The following WTAP variants were observed in gnomAD, a reference collection of about 807,000 sequenced individuals.
WTAP encodes the protein pre-mRNA-splicing regulator WTAP.
A neutral mutation model predicts 50.0 loss-of-function variants in WTAP; 8 were observed. The observed-to-expected ratio is 0.16, with a 90% CI of 0.09 to 0.29. WTAP has a LOEUF of 0.29. WTAP is among the 10% of genes least tolerant of loss of function. WTAP has a pLI of 1.00. For synonymous variants in WTAP, 194 were observed against 169.0 expected, an observed-to-expected ratio of 1.15 and a Z score of -1.15; for missense variants, 295 against 470.7, an observed-to-expected ratio of 0.63 and a Z score of 3.45.
rs370858662 is a variant in WTAP at position 159,729,815 on chromosome 6, G to A, written c.-9+2112G>A. On this transcript the variant is annotated intron_variant, in intron 1 of 7. Coordinates refer to ENST00000621533, the MANE Select transcript of WTAP (RefSeq NM_001270531.2). ...GCTATGATTTGTTCGCCAAGGTACC[G>A]TGTCTTCTTACTGAAGTTGTTTTGG... Among the ~76,000 whole-genome samples the A allele has an allele frequency of 1.4e-3, 216 of 152,312 alleles. 6 individuals are homozygous for A. The South Asian group carries it at 0.04, about 28-fold the overall frequency.
At chr6:159,726,824 C>T (rs928873529), upstream of WTAP, 6 of 1,289,096 alleles carry the variant, frequency 4.7e-6, no homozygotes, top group African/African-American at 3.0e-5. Flanking sequence ...AGAGGGAAGG[C>T]ATCGGTTTCT....
upstream of WTAP, chr6:159,727,168 G>C (rs1778220806): frequency 1.7e-6 from 2 of 1,200,580 alleles, no homozygotes; most frequent in African/African-American, 3.2e-5. Context: ...GCTCGCGCCA[G>C]GCTCCTGGGA....
rs1325227595 is a variant in WTAP at position 159,743,687 on chromosome 6, A to G, written c.168A>G (p.Arg56=). 6.8e-6 allele frequency: 11 copies of G among 1,612,998 alleles called. No individual in the cohort carries two copies. The highest frequency in any genetic ancestry group is 9.3e-6 in the Non-Finnish European group (11 of 1,179,526). ...CAGCTAATGATGTAACTGGCCTAAG[A>G]GAGTCTGAAGAAAAACTAAAGCAAC... ...DLNSNDVTGL[R]ESEEKLKQQQ... The change falls in exon 5 of 8, where the codon AGA becomes AGG. Residue 56 remains arginine (R), a synonymous_variant. Transcript: ENST00000621533.
At chr6:159,743,272 C>G (rs2114926993) in intron 4 of WTAP, among the ~76,000 whole-genome samples, 1 of 152,328 alleles carries the variant, frequency 6.6e-6, no homozygotes, top group African/African-American at 2.4e-5. Context: ...GTCTGAAACT[C>G]CTGACCTCAG....
At chr6:159,727,071 C>T, upstream of WTAP, 3 of 1,207,432 alleles carry the variant, frequency 2.5e-6, no homozygotes, top group Non-Finnish European at 3.2e-6. Context: ...TCCCGTGATG[C>T]CCTGGGGCTG....
intron 5 of WTAP, among the ~76,000 whole-genome samples, chr6:159,747,624 C>A (rs1395823293): frequency 6.6e-6 from 1 of 152,046 alleles, no homozygotes; most frequent in African/African-American, 2.4e-5. Context: ...TAATCTTGCA[C>A]CTGATGTATT....
intron 3 of WTAP, 60 bp from the exon 4 acceptor site, chr6:159,742,028 C>A: frequency 8.5e-7 from 1 of 1,173,052 alleles, no homozygotes; most frequent in Non-Finnish European, 1.2e-6. Flanking sequence ...TAGATATCTT[C>A]TAGTTTATTT....
chr6:159,754,452 C>G (rs1237156422), intron 7 of WTAP, among the ~76,000 whole-genome samples: 1 of 152,136 alleles, frequency 6.6e-6, no homozygotes, highest in African/African-American at 2.4e-5. Context: ...AAACGTGAGT[C>G]AAACTTTGGG....
intron 6 of WTAP, among the ~76,000 whole-genome samples, chr6:159,749,839 C>T (rs192308685): frequency 6.6e-6 from 1 of 152,242 alleles, no homozygotes; most frequent in Non-Finnish European, 1.5e-5. Flanking sequence ...CCATCCAATC[C>T]TGGAGGTGAA....
Position 159,744,019 on chromosome 6 carries a change from A to G in WTAP, c.273+227A>G, listed in dbSNP as rs749723618. Among the ~76,000 whole-genome samples the G allele has an allele frequency of 1.4e-4, 21 of 152,054 alleles. 1 individual carries two copies. In the South Asian group the frequency reaches 2.3e-3, roughly 17 times the overall value. Reference sequence around the variant, plus strand: ...GTTTTAAGTTTTTTTTGAAATTTTCATGCCTTATAAGTATTAGTTCATCAA... The same window carrying G: ...GTTTTAAGTTTTTTTTGAAATTTTCGTGCCTTATAAGTATTAGTTCATCAA... On this transcript the variant is annotated intron_variant, in intron 5 of 7. Transcript: ENST00000621533.
chr6:159,727,113 C>A, upstream of WTAP: 1 of 1,193,846 alleles, frequency 8.4e-7, no homozygotes, highest in Non-Finnish European at 1.1e-6. Flanking sequence ...CCCCTCCCCT[C>A]GGCCGCTTCC....
intron 1 of WTAP, among the ~76,000 whole-genome samples, chr6:159,733,033 T>TA (rs1395587792): frequency 2.6e-5 from 4 of 152,012 alleles, no homozygotes; most frequent in Non-Finnish European, 5.9e-5. Flanking sequence ...TAGAAGTAGT[T>TA]AGACATGTGG....
intron 3 of WTAP, 33 bp downstream of exon 3, chr6:159,739,078 T>C (rs985325905): frequency 2.6e-6 from 4 of 1,542,148 alleles, no homozygotes; most frequent in Admixed American, 3.4e-5. Flanking sequence ...ACAAAGTCTT[T>C]CTATAGAACA....
At chr6:159,753,319 GA>G (rs1195982443) in intron 6 of WTAP, 140 bp from the exon 7 acceptor site, 1 of 1,223,842 alleles carries the variant, frequency 8.2e-7, no homozygotes, top group Non-Finnish European at 1.1e-6. Flanking sequence ...ATGTGTCCCA[GA>G]AAAGAAGATG....
intron 1 of WTAP, 130 bp from the exon 2 acceptor site, chr6:159,736,127 TA>T (rs1334508065): frequency 2.1e-6 from 2 of 941,108 alleles, no homozygotes; most frequent in Non-Finnish European, 3.2e-6. Flanking sequence ...TAAAATTGTT[TA>T]TTTAAATTCT....
Position 159,748,147 on chromosome 6 carries a change from G to A in WTAP, c.274-44G>A, listed in dbSNP as rs762933289. 4 of 1,570,508 alleles carry A rather than the reference G, an allele frequency of 2.5e-6. No homozygotes were observed. The highest frequency in any genetic ancestry group is 3.5e-6 in the Non-Finnish European group (4 of 1,152,974). On this transcript the variant is annotated intron_variant, in intron 5 of 7. Coordinates refer to ENST00000621533, the MANE Select transcript of WTAP (RefSeq NM_001270531.2). This position sits in a 1 kb window ranked among gnomAD's most constrained non-coding sequence, Gnocchi z 5.6. Reference sequence around the variant, plus strand: ...GAGTTTTCCCCACCTTCTTATGTATGTTTCCTTTGATTTGGTCGTAATTGT... The same window carrying A: ...GAGTTTTCCCCACCTTCTTATGTATATTTCCTTTGATTTGGTCGTAATTGT...
chr6:159,734,810 T>C (rs551266783), intron 1 of WTAP, among the ~76,000 whole-genome samples: 2 of 148,594 alleles, frequency 1.3e-5, no homozygotes, highest in South Asian at 4.2e-4. Flanking sequence ...TATATAAAGA[T>C]TTTATGTTTG....
intron 3 of WTAP, among the ~76,000 whole-genome samples, chr6:159,740,374 A>C (rs1779179201): frequency 6.6e-6 from 1 of 152,204 alleles, no homozygotes; most frequent in East Asian, 1.9e-4. Flanking sequence ...TCCTTAGGGA[A>C]TTCATGTAAG....
At position 159,737,294 on chromosome 6, in the gene WTAP, A is replaced by C. The variant is rs912332498; in HGVS notation, c.30+999A>C. 4.6e-5 allele frequency among the ~76,000 whole-genome samples: 7 copies of C among 151,766 alleles called. 1 individual carries two copies. Among genetic ancestry groups the C allele is most frequent in the African/African-American group, 1.5e-4 (6 of 41,342 alleles). On this transcript the variant is annotated intron_variant, in intron 2 of 7. Coordinates refer to ENST00000621533, the MANE Select transcript of WTAP (RefSeq NM_001270531.2). ...GAACTCCCGGGCTCAAGAGATAGCC[A>C]CCTGCCTCTGCCTTCCAAAGTGCTG...
Sources: allele counts gnomAD v4.1 joint callset (sites outside exome capture counted in the v4.1 genomes callset), GRCh38; gene constraint gnomAD v4.1.1; non-coding constraint Gnocchi (gnomAD v3.1); transcripts MANE v1.5; gene names NCBI Gene and HGNC (gene_info 2026-07-23, HGNC 2026-07-21).